SHROOM3: variants seen among roughly 807,000 people sequenced by gnomAD.
SHROOM3 encodes the protein protein Shroom3.
A neutral mutation model predicts 138.6 loss-of-function variants in SHROOM3; 47 were observed. The observed-to-expected ratio is 0.34, with a 90% CI of 0.27 to 0.43. The LOEUF is 0.43. Among genes scored for constraint, SHROOM3 ranks in the 20% least tolerant of loss-of-function variants. The probability of loss-of-function intolerance (pLI) is 1.00; values close to 1 mark genes in which losing one functional copy is unlikely to be tolerated. For synonymous variants in SHROOM3, 1,062 were observed against 1,063.3 expected (o/e 1.00, Z 0.02); for missense variants, 2,491 against 2,596.5 (o/e 0.96, Z 0.88).
At chr4:76,660,115 G>A (rs969601130) in intron 2 of SHROOM3, among the ~76,000 whole-genome samples, 4 of 152,132 alleles carry the variant, frequency 2.6e-5, no homozygotes, top group South Asian at 2.1e-4. Flanking sequence ...ACTGCCACCC[G>A]CCTCTGTGCA....
In SHROOM3 at chr4:76,710,224, C is replaced by G; in HGVS notation, c.392C>G (p.Thr131Ser). 6.2e-7 allele frequency: 1 copy of G among 1,614,168 alleles called. No homozygotes were observed. The highest frequency in any genetic ancestry group is 8.5e-7 in the Non-Finnish European group (1 of 1,180,006). ...ASNFVSPEHLTSGPQHRKAAW... is the reference protein window; with the variant it reads ...ASNFVSPEHLSSGPQHRKAAW... ...AACTTCGTCAGCCCAGAACACCTCA[C>G]CTCTGGCCCCCAGCACAGGAAAGCA... The change falls in exon 3 of 11, where the codon ACC becomes AGC. Residue 131 changes from threonine (T) to serine (S), a missense_variant. Thr to Ser is a moderately conservative substitution (Grantham distance 58). This residue lies in a region of SHROOM3 where 284 missense variants were observed against 322.8 expected (regional missense o/e 0.88). Transcript: ENST00000296043.
rs17002136 is a variant in SHROOM3 at position 76,641,966 on chromosome 4, A to G, written c.324-68190A>G. Among the ~76,000 whole-genome samples the G allele has an allele frequency of 8.6e-3, 1,315 of 152,246 alleles. 15 individuals carry two copies. The highest frequency in any genetic ancestry group is 0.03 in the African/African-American group (1,253 of 41,544). The stretch of plus-strand genomic sequence containing the variant: ...ATTTTTAGAGCTTAAGTAGGACAGG[A>G]TCTCAAAATATTTCAGATCCAGCTC... On this transcript the variant is annotated intron_variant, in intron 2 of 10. Coordinates refer to ENST00000296043, the MANE Select transcript of SHROOM3 (RefSeq NM_020859.4).
intron 2 of SHROOM3, among the ~76,000 whole-genome samples, chr4:76,692,737 T>C (rs1719592207): frequency 1.3e-5 from 2 of 152,226 alleles, no homozygotes; most frequent in Admixed American, 1.3e-4. Context: ...GCACGTTAAC[T>C]GAAAGCAGCC....
chr4:76,670,594 A>G (rs1192570444), intron 2 of SHROOM3, among the ~76,000 whole-genome samples: 1 of 152,194 alleles, frequency 6.6e-6, no homozygotes, highest in Non-Finnish European at 1.5e-5. Flanking sequence ...TAACTTAGAT[A>G]TTTTATATTG....
intron 1 of SHROOM3, among the ~76,000 whole-genome samples, chr4:76,506,352 A>G (rs886929300): frequency 3.3e-5 from 5 of 152,302 alleles, no homozygotes; most frequent in African/African-American, 9.6e-5. Context: ...CGTTCTGCAC[A>G]TGTAGCCCAG....
chr4:76,745,989 A>C (rs1351908487), intron 5 of SHROOM3, among the ~76,000 whole-genome samples: 1 of 152,198 alleles, frequency 6.6e-6, no homozygotes, highest in African/African-American at 2.4e-5. Flanking sequence ...TCAAAAAATA[A>C]AATAAAATAA....
At position 76,685,346 on chromosome 4, in the gene SHROOM3, C is replaced by T. The variant is rs193189160; in HGVS notation, c.324-24810C>T. On this transcript the variant is annotated intron_variant, in intron 2 of 10. Transcript: ENST00000296043. ...TTGGGCCACACATAAAATACACTAA[C>T]ACTAACGATAGCTGATGAGCTAAAA... Among the ~76,000 whole-genome samples, 1,152 of 151,932 alleles carry T rather than the reference C, an allele frequency of 7.6e-3. 15 individuals are homozygous for T. Among genetic ancestry groups the T allele is most frequent in the Non-Finnish European group, 0.013 (917 of 68,006 alleles).
rs183298934 is a variant in SHROOM3, at chr4:76,640,527, G to A, written c.324-69629G>A. Among the ~76,000 whole-genome samples, 12 of 152,234 alleles carry A rather than the reference G, an allele frequency of 7.9e-5. No individual in the cohort carries two copies. The East Asian group carries it at 2.3e-3, about 29-fold the overall frequency. On this transcript the variant is annotated intron_variant, in intron 2 of 10. Transcript: ENST00000296043. ...CAGACCTCCTCCTTGGAAGTAATGT[G>A]GCAAAATCACAGAAGCAGAAAAGCC...
intron 1 of SHROOM3, among the ~76,000 whole-genome samples, chr4:76,551,823 G>A (rs570925333): frequency 4.0e-5 from 6 of 151,848 alleles, no homozygotes; most frequent in Admixed American, 6.6e-5. Context: ...ATATTATTTT[G>A]TCCACTTGAT....
rs546106380 is a variant in SHROOM3 at position 76,528,002 on chromosome 4, A to T, written c.169-27607A>T. On this transcript the variant is annotated intron_variant, in intron 1 of 10. Coordinates refer to ENST00000296043, the MANE Select transcript of SHROOM3 (RefSeq NM_020859.4). ...GGCAACAACTGCAATGCCTACTACT[A>T]CATCTTCTTAAAAAGTTATTCTAAT... is the stretch of plus-strand genomic sequence containing the variant. Among the ~76,000 whole-genome samples the T allele has an allele frequency of 8.3e-4, 127 of 152,334 alleles. 1 individual carries two copies. The highest frequency in any genetic ancestry group is 2.9e-3 in the African/African-American group (119 of 41,574).
chr4:76,470,171 A>G (rs1731340426), intron 1 of SHROOM3, among the ~76,000 whole-genome samples: 1 of 152,170 alleles, frequency 6.6e-6, no homozygotes, highest in African/African-American at 2.4e-5. Context: ...AGGCCTATAC[A>G]CTAAGTGATT....
chr4:76,549,719 A>G (rs1560542109), intron 1 of SHROOM3, among the ~76,000 whole-genome samples: 1 of 152,128 alleles, frequency 6.6e-6, no homozygotes, highest in East Asian at 1.9e-4. Context: ...GCCAACAAAT[A>G]TCACATCCAC....
At chr4:76,679,500 C>G (rs183072043) in intron 2 of SHROOM3, among the ~76,000 whole-genome samples, 16 of 152,266 alleles carry the variant, frequency 1.1e-4, no homozygotes, top group Admixed American at 1.0e-3. Flanking sequence ...CTTCCCCTTC[C>G]TCATAGCTCC....
chr4:76,467,628 C>G (rs541357798), intron 1 of SHROOM3, among the ~76,000 whole-genome samples: 103 of 152,278 alleles, frequency 6.8e-4, no homozygotes, highest in African/African-American at 2.4e-3. Context: ...CCAGTCCTAA[C>G]CAGAGTCTGA....
chr4:76,706,744 T>C (rs914499969), intron 2 of SHROOM3, among the ~76,000 whole-genome samples: 1 of 152,242 alleles, frequency 6.6e-6, no homozygotes, highest in Non-Finnish European at 1.5e-5. Flanking sequence ...TTCCAGGCAC[T>C]AAGCTGAGCT....
At chr4:76,646,987 C>A (rs1272822744) in intron 2 of SHROOM3, among the ~76,000 whole-genome samples, 2 of 152,088 alleles carry the variant, frequency 1.3e-5, no homozygotes, top group Admixed American at 1.3e-4. Context: ...GAGCGCTATT[C>A]ACAATAGCAA....
chr4:76,496,854 T>C (rs1731978397), intron 1 of SHROOM3, among the ~76,000 whole-genome samples: 1 of 152,208 alleles, frequency 6.6e-6, no homozygotes, highest in Non-Finnish European at 1.5e-5. Flanking sequence ...CTGTATTATA[T>C]ACTCTCAAAG....
chr4:76,586,006 A>G (rs1360705069), intron 2 of SHROOM3: 2 of 152,558 alleles, frequency 1.3e-5, no homozygotes, highest in Admixed American at 6.5e-5. Context: ...CTAGAGCGAC[A>G]CTTGTTGGGG....
intron 2 of SHROOM3, among the ~76,000 whole-genome samples, chr4:76,627,021 A>G (rs1197077713): frequency 1.3e-5 from 2 of 152,166 alleles, no homozygotes; most frequent in Non-Finnish European, 2.9e-5. Flanking sequence ...CCTATGTCCA[A>G]ATGATTAGGA....
Sources: gnomAD v4.1 joint callset for allele counts (sites outside exome capture counted in the v4.1 genomes callset) on GRCh38, gnomAD v4.1.1 for gene constraint, gnomAD v4.1.1 regional missense constraint, MANE v1.5 for transcripts, NCBI Gene and HGNC (gene_info 2026-07-23, HGNC 2026-07-21) for gene names.